Variants in UBE3D observed in about 807,000 individuals in gnomAD.
UBE3D encodes the protein ubiquitin protein ligase E3D, also known as E3 ubiquitin-protein ligase E3D.
In UBE3D, 48 loss-of-function variants were observed where a neutral mutation model predicts 49.6. The ratio of observed to expected loss-of-function variants is 0.97; its 90% CI spans 0.77 to 1.23. The LOEUF is 1.23. UBE3D is among the 50% of genes most tolerant of loss of function. The pLI, the probability that UBE3D is intolerant of heterozygous loss-of-function variation, is 0.00. For missense variants in UBE3D, 452 were observed against 468.4 expected (o/e 0.96, Z 0.32); for synonymous variants, 189 against 174.2 (o/e 1.08, Z -0.67).
intron 9 of UBE3D, among the ~76,000 whole-genome samples, chr6:82,908,788 T>C (rs144585633): frequency 1.3e-5 from 2 of 152,214 alleles, no homozygotes; most frequent in African/African-American, 2.4e-5. Context: ...CTTCCTCCAC[T>C]GCATAACTTA....
In UBE3D at chr6:83,060,645, A is replaced by G. The variant is rs149930237; in HGVS notation, c.78-2623T>C. On this transcript the variant is annotated intron_variant, in intron 1 of 9. Transcript: ENST00000369747. ...CTTTAAAAAACGAAATGAACAAACC[A>G]GAAACAAAGTTCCTCAGTAAAATGA... Among the ~76,000 whole-genome samples, 142 of 152,296 alleles carry G rather than the reference A, an allele frequency of 9.3e-4. 1 individual carries two copies. Among genetic ancestry groups the G allele is most frequent in the African/African-American group, 3.2e-3 (134 of 41,538 alleles).
chr6:82,944,375 T>G (rs1775246232), intron 9 of UBE3D, among the ~76,000 whole-genome samples: 1 of 152,166 alleles, frequency 6.6e-6, no homozygotes. Flanking sequence ...GGGAATCTGT[T>G]GCCATAAAGG....
At chr6:83,004,897 G>A (rs749936136) in intron 8 of UBE3D, among the ~76,000 whole-genome samples, 1 of 152,038 alleles carries the variant, frequency 6.6e-6, no homozygotes, top group Non-Finnish European at 1.5e-5. Flanking sequence ...GCCACATCAG[G>A]TGCAGAGTAT....
chr6:83,028,332 G>A (rs1309151176), intron 5 of UBE3D, among the ~76,000 whole-genome samples: 1 of 152,104 alleles, frequency 6.6e-6, no homozygotes, highest in Admixed American at 6.5e-5. Flanking sequence ...TTATTTGTGA[G>A]AATGAGTTTT....
intron 2 of UBE3D, among the ~76,000 whole-genome samples, chr6:83,056,438 C>G (rs1205268504): frequency 6.6e-6 from 1 of 152,216 alleles, no homozygotes; most frequent in Non-Finnish European, 1.5e-5. Flanking sequence ...CCTGAAACAA[C>G]ACTTTCTCTG....
intron 2 of UBE3D, 90 bp from the exon 3 acceptor site, chr6:83,054,328 A>G: frequency 2.1e-6 from 2 of 944,692 alleles, no homozygotes; most frequent in Non-Finnish European, 1.7e-6. Flanking sequence ...ATAAATTACC[A>G]TCCATAAACA....
chr6:82,910,346 G>C (rs1429425285), intron 9 of UBE3D, among the ~76,000 whole-genome samples: 1 of 152,112 alleles, frequency 6.6e-6, no homozygotes, highest in Non-Finnish European at 1.5e-5. Flanking sequence ...TGAATGATTG[G>C]ACAAATTAAT....
intron 9 of UBE3D, among the ~76,000 whole-genome samples, chr6:82,905,481 A>T (rs1478894742): frequency 6.6e-6 from 1 of 152,134 alleles, no homozygotes; most frequent in East Asian, 1.9e-4. Flanking sequence ...ACCAGCCGTT[A>T]CCCTGTCTTT....
At position 83,019,130 on chromosome 6, in the gene UBE3D, G is replaced by T; in HGVS notation, c.853C>A (p.Leu285Ile). The change falls in exon 8 of 10, where the codon CTT becomes ATT. Residue 285 changes from leucine to isoleucine, a missense_variant. Coordinates refer to ENST00000369747, the MANE Select transcript of UBE3D (RefSeq NM_198920.3). ...ATCACCAAACTGTCTGAATTTAAAA[G>T]CCATAGCTAAAGATGTGAAGAGAAA... ...QDDKVYILLW[L>I]LNSDSLVIES... is the part of the protein sequence containing the mutation. The T allele has an allele frequency of 6.2e-7, 1 of 1,612,304 alleles. No individual in the cohort carries two copies. Among genetic ancestry groups the T allele is most frequent in the Non-Finnish European group, 8.5e-7 (1 of 1,179,312 alleles).
At position 83,057,909 on chromosome 6, in the gene UBE3D, A is replaced by G; in HGVS notation, c.191T>C (p.Val64Ala). The part of the protein sequence containing the change: ...EIQLPAEVRL[V>A]PSSCRGLQFV... ...CTGTAGCCCACGGCAAGAGGAAGGT[A>G]CAAGCCTGACCTCTGCTGGAAGCTG... The change falls in exon 2 of 10, where the codon GTA (valine) becomes GCA (alanine). Residue 64 changes from valine (V) to alanine (A), a missense_variant. Transcript: ENST00000369747. 1 of 1,614,198 alleles carries G rather than the reference A, an allele frequency of 6.2e-7. No individual in the cohort carries two copies. Among genetic ancestry groups the G allele is most frequent in the East Asian group, 2.2e-5 (1 of 44,884 alleles).
At chr6:82,898,166 A>C (rs1476793222) in intron 9 of UBE3D, among the ~76,000 whole-genome samples, 1 of 152,258 alleles carries the variant, frequency 6.6e-6, no homozygotes, top group Non-Finnish European at 1.5e-5. Flanking sequence ...GATCATTAAA[A>C]AGTCAGGAAA....
chr6:82,967,373 G>A (rs943530270), intron 8 of UBE3D, among the ~76,000 whole-genome samples: 4 of 151,988 alleles, frequency 2.6e-5, no homozygotes, highest in African/African-American at 4.8e-5. Context: ...GTGCAGACTC[G>A]TGTGACCACA....
intron 3 of UBE3D, chr6:83,049,610 T>C (rs1268564473): frequency 3.1e-6 from 1 of 322,560 alleles, no homozygotes; most frequent in Non-Finnish European, 6.6e-6. Flanking sequence ...TGGTTGGATA[T>C]CCTGACATCT....
intron 9 of UBE3D, among the ~76,000 whole-genome samples, chr6:82,931,861 GAT>G (rs931103292): frequency 6.6e-6 from 1 of 152,168 alleles, no homozygotes; most frequent in East Asian, 1.9e-4. Flanking sequence ...GGGGTGAAAA[GAT>G]ATAGTCTGGC....
chr6:82,882,403 T>C, the UBE3D span, among the ~76,000 whole-genome samples: 1 of 152,182 alleles, frequency 6.6e-6, no homozygotes, highest in South Asian at 2.1e-4. Flanking sequence ...TTTGCTACTG[T>C]TTTTTTGTGG....
intron 8 of UBE3D, among the ~76,000 whole-genome samples, chr6:82,990,258 G>C (rs1778792663): frequency 6.6e-6 from 1 of 152,088 alleles, no homozygotes. Flanking sequence ...TGAAAGCTGA[G>C]TCATGAGAGA....
In UBE3D at chr6:82,911,214, A is replaced by AAAC. The variant is rs1554183167; in HGVS notation, c.1150-18173_1150-18172insGTT. Among the ~76,000 whole-genome samples, 314 of 148,540 alleles carry AAAC rather than the reference A, an allele frequency of 2.1e-3. 2 individuals are homozygous for AAAC. Among genetic ancestry groups the AAAC allele is most frequent in the African/African-American group, 7.3e-3 (291 of 39,982 alleles). On this transcript the variant is annotated intron_variant, in intron 9 of 9. Coordinates refer to ENST00000369747, the MANE Select transcript of UBE3D (RefSeq NM_198920.3). ...ATTTTGGCAAAAAAAAAAAAAAAAA[A>AAAC]AAAAAAAAACTCAGGGGGGACATGA... is the stretch of plus-strand genomic sequence containing the variant.
chr6:83,042,910 T>G (rs1782773189), intron 4 of UBE3D, among the ~76,000 whole-genome samples: 1 of 152,062 alleles, frequency 6.6e-6, no homozygotes, highest in South Asian at 2.1e-4. Flanking sequence ...TATGTTTCTA[T>G]TTTGGTCACA....
chr6:83,034,610 T>C (rs1752506427), intron 5 of UBE3D, among the ~76,000 whole-genome samples: 1 of 152,104 alleles, frequency 6.6e-6, no homozygotes, highest in African/African-American at 2.4e-5. Flanking sequence ...CGTCTCACGA[T>C]AGAGTTATCA....
Sources: gnomAD v4.1 joint callset for allele counts (sites outside exome capture counted in the v4.1 genomes callset) on GRCh38, gnomAD v4.1.1 for gene constraint, MANE v1.5 for transcripts, NCBI Gene and HGNC (gene_info 2026-07-23, HGNC 2026-07-21) for gene names.